Variants in ZBTB8A observed in about 807,000 individuals in gnomAD.
ZBTB8A encodes zinc finger and BTB domain-containing protein 8A.
ZBTB8A carries 19 observed loss-of-function variants against 37.8 expected under a neutral mutation model. The observed-to-expected ratio is 0.50, with a 90% confidence interval of 0.35 to 0.74. The LOEUF (loss-of-function observed/expected upper bound fraction) is 0.74. Among genes scored for constraint, ZBTB8A ranks in the 30% least tolerant of loss-of-function variants. ZBTB8A has a pLI of 0.01. For missense variants in ZBTB8A, 394 were observed against 537.8 expected, an observed-to-expected ratio of 0.73 and a Z score of 2.65; for synonymous variants, 181 against 185.2, an observed-to-expected ratio of 0.98 and a Z score of 0.19.
chr1:32,594,289 A>T (rs2148251474), intron 3 of ZBTB8A, among the ~76,000 whole-genome samples: 1 of 152,284 alleles, frequency 6.6e-6, no homozygotes, highest in East Asian at 1.9e-4. Context: ...CAATCAAAAT[A>T]ATAAGAATAC....
intron 2 of ZBTB8A, among the ~76,000 whole-genome samples, chr1:32,577,169 T>C (rs1644366943): frequency 6.6e-6 from 1 of 151,220 alleles, no homozygotes; most frequent in Non-Finnish European, 1.5e-5. Context: ...CCACCATGCC[T>C]GGCCTTTGTT....
chr1:32,562,708 T>A (rs560376255), intron 2 of ZBTB8A, among the ~76,000 whole-genome samples: 1 of 150,384 alleles, frequency 6.6e-6, no homozygotes, highest in African/African-American at 2.4e-5. Flanking sequence ...CAGCCTCCCA[T>A]GTAGCTGAGA....
chr1:32,554,462 T>C (rs1644184047), intron 2 of ZBTB8A, among the ~76,000 whole-genome samples: 1 of 10,650 alleles, frequency 9.4e-5, no homozygotes, highest in Admixed American at 1.1e-3. Context: ...TTTTAATCTT[T>C]TATTTATTTA....
intron 1 of ZBTB8A, among the ~76,000 whole-genome samples, chr1:32,546,578 C>T (rs1464900557): frequency 6.6e-6 from 1 of 152,050 alleles, no homozygotes; most frequent in East Asian, 1.9e-4. Flanking sequence ...GAGGCCAAGG[C>T]TGCAGTGAGC....
chr1:32,584,473 C>T (rs1440201087), intron 2 of ZBTB8A, among the ~76,000 whole-genome samples: 1 of 150,126 alleles, frequency 6.7e-6, no homozygotes, highest in African/African-American at 2.5e-5. Context: ...AACTCCTATA[C>T]TAAACGTCAT....
At chr1:32,553,740 G>T (rs2148218943) in intron 2 of ZBTB8A, among the ~76,000 whole-genome samples, 200 bp downstream of exon 2, 1 of 151,706 alleles carries the variant, frequency 6.6e-6, no homozygotes, top group South Asian at 2.1e-4. Context: ...TACAAAATTA[G>T]CCAGGCATGG....
At chr1:32,570,948 T>C (rs1644318396) in intron 2 of ZBTB8A, among the ~76,000 whole-genome samples, 1 of 152,016 alleles carries the variant, frequency 6.6e-6, no homozygotes, top group African/African-American at 2.4e-5. Context: ...CAATCTTGGC[T>C]CACTGCAACC....
In ZBTB8A at chr1:32,555,714, A is replaced by G. The variant is rs116890086; in HGVS notation, c.-2+2174A>G. 2.0e-4 allele frequency among the ~76,000 whole-genome samples: 31 copies of G among 152,110 alleles called. No individual in the cohort carries two copies. The East Asian group carries it at 6.0e-3, about 29-fold the overall frequency. ...TATTTGCAGATTCTCTTACTCCTCTATCTTCAACTCTGAGTGTCCCTGTGA... is the reference window on the plus strand; with the variant it reads ...TATTTGCAGATTCTCTTACTCCTCTGTCTTCAACTCTGAGTGTCCCTGTGA... On this transcript the variant is annotated intron_variant, in intron 2 of 4. Transcript: ENST00000373510.
Position 32,551,162 on chromosome 1 carries a change from T to G in ZBTB8A, c.-83-2297T>G, listed in dbSNP as rs182688795. 2.0e-5 allele frequency among the ~76,000 whole-genome samples: 3 copies of G among 152,260 alleles called. No homozygotes were observed. In the East Asian group the frequency reaches 5.8e-4, roughly 29 times the overall value. ...GGTTGTTCTCAAAAATTATTAATTT[T>G]GGGCCAGGCACAGTGGCTCATGCCT... On this transcript the variant is annotated intron_variant, in intron 1 of 4. Coordinates refer to ENST00000373510, the MANE Select transcript of ZBTB8A (RefSeq NM_001040441.3).
At chr1:32,554,905 G>C (rs1200358105) in intron 2 of ZBTB8A, among the ~76,000 whole-genome samples, 3 of 152,174 alleles carry the variant, frequency 2.0e-5, no homozygotes, top group African/African-American at 7.2e-5. Flanking sequence ...AAGAACTGGA[G>C]ATTATCTAGA....
Position 32,573,990 on chromosome 1 carries a change from C to T in ZBTB8A, c.-1-18941C>T, listed in dbSNP as rs149397595. Among the ~76,000 whole-genome samples, 560 of 151,586 alleles carry T rather than the reference C, an allele frequency of 3.7e-3. 8 individuals carry two copies. The East Asian group carries it at 0.043, about 12-fold the overall frequency. ...ATTCGGGAGGCTGAGGCAGGAGAAT[C>T]GCTTGAACCCGGGAGGCGGAGGTTG... On this transcript the variant is annotated intron_variant, in intron 2 of 4. Coordinates refer to ENST00000373510, the MANE Select transcript of ZBTB8A (RefSeq NM_001040441.3).
At chr1:32,583,751 T>G (rs1644424935) in intron 2 of ZBTB8A, among the ~76,000 whole-genome samples, 1 of 151,840 alleles carries the variant, frequency 6.6e-6, no homozygotes, top group Non-Finnish European at 1.5e-5. Flanking sequence ...TACTTTGGGT[T>G]TTTTGTTTTT....
At chr1:32,582,509 A>G (rs931551715) in intron 2 of ZBTB8A, among the ~76,000 whole-genome samples, 1 of 152,072 alleles carries the variant, frequency 6.6e-6, no homozygotes, top group Non-Finnish European at 1.5e-5. Flanking sequence ...TTAGCTGGAC[A>G]TGGTGGCACA....
chr1:32,589,847 C>T lies in ZBTB8A; in HGVS notation c.-1-3084C>T, dbSNP rs555617929. Among the ~76,000 whole-genome samples the T allele has an allele frequency of 7.9e-5, 12 of 152,164 alleles. No homozygotes were observed. The East Asian group carries it at 9.7e-4, about 12-fold the overall frequency. ...GATTACAGGTGTGAGTCACCACGCC[C>T]GGCCTCTGTTCATTTTTAAGATAGG... On this transcript the variant is annotated intron_variant, in intron 2 of 4. Transcript: ENST00000373510.
intron 2 of ZBTB8A, among the ~76,000 whole-genome samples, chr1:32,578,546 T>A (rs891915518): frequency 6.6e-6 from 1 of 152,106 alleles, no homozygotes; most frequent in African/African-American, 2.4e-5. Context: ...ACTATTTTTA[T>A]ATCTTTCAAT....
intron 2 of ZBTB8A, among the ~76,000 whole-genome samples, chr1:32,586,151 G>A (rs1644447256): frequency 6.6e-6 from 1 of 151,450 alleles, no homozygotes; most frequent in Non-Finnish European, 1.5e-5. Context: ...AACCCCGTCT[G>A]TACTTAAAAA....
In ZBTB8A at chr1:32,576,202, G is replaced by T. The variant is rs556392311; in HGVS notation, c.-1-16729G>T. The stretch of plus-strand genomic sequence containing the variant: ...ACACATTTTGTGCTATAAGAACAGG[G>T]TTGAGTAGTTGCAATGGAGGCTACA... On this transcript the variant is annotated intron_variant, in intron 2 of 4. Transcript: ENST00000373510. Among the ~76,000 whole-genome samples, 3 of 152,270 alleles carry T rather than the reference G, an allele frequency of 2.0e-5. No individual in the cohort carries two copies. The South Asian group carries it at 6.2e-4, about 32-fold the overall frequency.
intron 4 of ZBTB8A, among the ~76,000 whole-genome samples, 200 bp downstream of exon 4, chr1:32,595,423 C>T (rs1395004931): frequency 3.3e-5 from 5 of 151,800 alleles, no homozygotes; most frequent in Admixed American, 6.6e-5. Flanking sequence ...TGTGCCACCA[C>T]GCCTGGCTAA....
intron 2 of ZBTB8A, among the ~76,000 whole-genome samples, chr1:32,563,341 G>A (rs1235143094): frequency 6.6e-6 from 1 of 152,152 alleles, no homozygotes; most frequent in Admixed American, 6.6e-5. Flanking sequence ...AGGTTGCAGT[G>A]AGCTATGATC....
Sources: allele counts gnomAD v4.1 joint callset (sites outside exome capture counted in the v4.1 genomes callset), GRCh38; gene constraint gnomAD v4.1.1; transcripts MANE v1.5; gene names NCBI Gene and HGNC (gene_info 2026-07-23, HGNC 2026-07-21).